DLGAP2: variants seen among roughly 807,000 people sequenced by gnomAD.
DLGAP2 encodes the protein disks large-associated protein 2.
DLGAP2 carries 26 observed loss-of-function variants against 100.3 expected under a neutral mutation model. The ratio of observed to expected loss-of-function variants is 0.26; its 90% CI spans 0.19 to 0.36. The LOEUF is 0.36. Among genes scored for constraint, DLGAP2 ranks in the 10% least tolerant of loss-of-function variants. DLGAP2 has a pLI of 1.00. For missense variants in DLGAP2, 1,858 were observed against 1,453.2 expected, an observed-to-expected ratio of 1.28 and a Z score of -4.53; for synonymous variants, 886 against 630.1, an observed-to-expected ratio of 1.41 and a Z score of -6.08.
intron 2 of DLGAP2, among the ~76,000 whole-genome samples, chr8:922,059 G>A (rs1201045381): frequency 6.6e-6 from 1 of 152,364 alleles, no homozygotes; most frequent in East Asian, 1.9e-4. Context: ...CAGGTGCCGT[G>A]TGCGCAGTTG....
At chr8:1,540,192 C>G (rs752700503) in intron 4 of DLGAP2, among the ~76,000 whole-genome samples, 29 of 152,220 alleles carry the variant, frequency 1.9e-4, no homozygotes, top group Non-Finnish European at 3.5e-4. Context: ...CAAGCCCTCC[C>G]CACCACACTT....
chr8:1,376,683 GCGGA>G, intron 3 of DLGAP2, among the ~76,000 whole-genome samples: 1 of 125,734 alleles, frequency 8.0e-6, no homozygotes, highest in Non-Finnish European at 1.7e-5. Flanking sequence ...GTGGTCATCG[GCGGA>G]TGGCGGGGAC....
intron 1 of DLGAP2, among the ~76,000 whole-genome samples, chr8:866,336 G>A (rs1797496774): frequency 6.6e-6 from 1 of 152,212 alleles, no homozygotes. Context: ...CGTGGGGCAT[G>A]TGCTCTGTGT....
chr8:753,164 C>T (rs577280520), intron 1 of DLGAP2, among the ~76,000 whole-genome samples: 27 of 152,308 alleles, frequency 1.8e-4, no homozygotes, highest in Non-Finnish European at 3.8e-4. Flanking sequence ...CAGACCTGAC[C>T]GCTTAGGGCC....
intron 5 of DLGAP2, among the ~76,000 whole-genome samples, chr8:1,551,216 C>T (rs1484058325): frequency 6.6e-6 from 1 of 152,244 alleles, no homozygotes; most frequent in Non-Finnish European, 1.5e-5. Context: ...TTGCCGTCGG[C>T]AAACCCTAAT....
chr8:1,087,704 C>T (rs1479847971), intron 2 of DLGAP2, among the ~76,000 whole-genome samples: 6 of 152,198 alleles, frequency 3.9e-5, no homozygotes, highest in Non-Finnish European at 8.8e-5. Context: ...TCCAAATTGT[C>T]AGAGCCTCCT....
intron 2 of DLGAP2, among the ~76,000 whole-genome samples, chr8:1,068,246 T>A (rs1271692642): frequency 6.6e-6 from 1 of 152,232 alleles, no homozygotes; most frequent in Non-Finnish European, 1.5e-5. Flanking sequence ...GAATGATGAA[T>A]GAAGCTGCCA....
At chr8:1,355,418 G>A (rs1299876490) in intron 3 of DLGAP2, among the ~76,000 whole-genome samples, 1 of 152,046 alleles carries the variant, frequency 6.6e-6, no homozygotes, top group Non-Finnish European at 1.5e-5. Flanking sequence ...AGGTTGGAGT[G>A]CAGTGGCTCA....
At chr8:957,997 G>A (rs192143657) in intron 2 of DLGAP2, among the ~76,000 whole-genome samples, 40 of 152,088 alleles carry the variant, frequency 2.6e-4, no homozygotes, top group African/African-American at 7.2e-4. Flanking sequence ...CTGAAACTCC[G>A]TCATCCCTGT....
chr8:1,333,755 C>G (rs1801210639), intron 3 of DLGAP2, among the ~76,000 whole-genome samples: 3 of 152,354 alleles, frequency 2.0e-5, no homozygotes, highest in Non-Finnish European at 4.4e-5. Context: ...TTCTCATACC[C>G]AATTTTAATG....
chr8:1,122,921 C>T (rs1020422345), intron 2 of DLGAP2, among the ~76,000 whole-genome samples: 11 of 152,102 alleles, frequency 7.2e-5, no homozygotes, highest in African/African-American at 1.9e-4. Flanking sequence ...AGTGTGATAC[C>T]AGCTCTTAAG....
chr8:1,292,522 C>G (rs1257250540), intron 3 of DLGAP2, among the ~76,000 whole-genome samples: 2 of 152,206 alleles, frequency 1.3e-5, no homozygotes, highest in Non-Finnish European at 1.5e-5. Flanking sequence ...AAATTTTGAT[C>G]TGTTCATTTT....
chr8:924,922 A>C (rs1798782391), intron 2 of DLGAP2, among the ~76,000 whole-genome samples: 1 of 152,130 alleles, frequency 6.6e-6, no homozygotes, highest in African/African-American at 2.4e-5. Context: ...GACGTTGTGA[A>C]GGCCTGCTTG....
intron 2 of DLGAP2, among the ~76,000 whole-genome samples, chr8:1,258,306 A>C (rs973924156): frequency 6.6e-6 from 1 of 152,186 alleles, no homozygotes; most frequent in Non-Finnish European, 1.5e-5. Context: ...CAATTAAGAA[A>C]GTATATTCGC....
At chr8:1,363,269 C>T (rs1802027116) in intron 3 of DLGAP2, among the ~76,000 whole-genome samples, 1 of 152,228 alleles carries the variant, frequency 6.6e-6, no homozygotes, top group Admixed American at 6.5e-5. Context: ...CCCCCACGCC[C>T]ATGGCATGCT....
intron 1 of DLGAP2, among the ~76,000 whole-genome samples, chr8:811,808 A>C (rs1796375650): frequency 6.6e-6 from 1 of 152,254 alleles, no homozygotes; most frequent in African/African-American, 2.4e-5. Flanking sequence ...GCTCCCATCA[A>C]AGGATATAAG....
intron 2 of DLGAP2, among the ~76,000 whole-genome samples, chr8:1,166,253 C>T (rs1391339174): frequency 1.3e-5 from 2 of 152,192 alleles, no homozygotes; most frequent in Non-Finnish European, 2.9e-5. Context: ...CTTCCTGAGT[C>T]ATGGCTAATG....
chr8:1,487,893 G>T (rs568854210), intron 3 of DLGAP2, among the ~76,000 whole-genome samples: 1 of 152,244 alleles, frequency 6.6e-6, no homozygotes, highest in Non-Finnish European at 1.5e-5. Flanking sequence ...GGTCACCACA[G>T]TTGCTGGAGC....
At chr8:973,832 G>A (rs567937336) in intron 2 of DLGAP2, among the ~76,000 whole-genome samples, 13 of 148,112 alleles carry the variant, frequency 8.8e-5, no homozygotes, top group South Asian at 4.2e-4. Flanking sequence ...GCGGCGGTCC[G>A]GGAGGTCGGG....
Sources: gnomAD v4.1 joint callset for allele counts (sites outside exome capture counted in the v4.1 genomes callset) on GRCh38, gnomAD v4.1.1 for gene constraint, MANE v1.5 for transcripts, NCBI Gene and HGNC (gene_info 2026-07-23, HGNC 2026-07-21) for gene names.